The following CTNND2 variants were observed in gnomAD, a reference collection of about 807,000 sequenced individuals.
CTNND2 encodes catenin delta 2.
In CTNND2, 22 loss-of-function variants were observed where a neutral mutation model predicts 144.4. The ratio of observed to expected loss-of-function variants is 0.15; its 90% CI spans 0.11 to 0.22. The LOEUF is 0.22. CTNND2 is among the 10% of genes least tolerant of loss of function. CTNND2 has a pLI of 1.00. For missense variants in CTNND2, 1,353 were observed against 1,618.8 expected (o/e 0.84, Z 2.82); for synonymous variants, 751 against 695.6 (o/e 1.08, Z -1.25).
chr5:11,473,594 A>T (rs1256252887), intron 3 of CTNND2, among the ~76,000 whole-genome samples: 1 of 152,206 alleles, frequency 6.6e-6, no homozygotes, highest in Non-Finnish European at 1.5e-5. Flanking sequence ...CAACAACTAC[A>T]GGAAATGGCT....
chr5:11,230,749 C>T (rs1019709880), intron 10 of CTNND2, among the ~76,000 whole-genome samples: 6 of 152,224 alleles, frequency 3.9e-5, no homozygotes, highest in Admixed American at 3.3e-4. Flanking sequence ...TTATCTCAGT[C>T]TGGCTCTGAC....
Position 11,411,563 on chromosome 5 carries a change from C to A in CTNND2, c.412G>T (p.Asp138Tyr). 6.2e-7 allele frequency: 1 copy of A among 1,607,864 alleles called. No individual in the cohort carries two copies. Among genetic ancestry groups the A allele is most frequent in the South Asian group, 1.1e-5 (1 of 90,660 alleles). Reference sequence around the variant, plus strand: ...TCACCTGTAGAATAATCCTGTGGGTCAAGTATTCCTGATTCCTGTAGTGAC... The same window carrying A: ...TCACCTGTAGAATAATCCTGTGGGTAAAGTATTCCTGATTCCTGTAGTGAC... ...IRSLQESGIL[D>Y]PQDYSTGERP... The change falls in exon 5 of 22, where the codon GAC (aspartate) becomes TAC (tyrosine). Residue 138 changes from aspartate to tyrosine, a missense_variant. Transcript: ENST00000304623.
intron 9 of CTNND2, among the ~76,000 whole-genome samples, chr5:11,325,136 T>C (rs1242251609): frequency 6.6e-6 from 1 of 152,158 alleles, no homozygotes; most frequent in South Asian, 2.1e-4. Flanking sequence ...TTATTTTCCT[T>C]TGCAGGCTTA....
intron 3 of CTNND2, among the ~76,000 whole-genome samples, chr5:11,495,727 C>A (rs1300291994): frequency 6.6e-6 from 1 of 152,228 alleles, no homozygotes; most frequent in African/African-American, 2.4e-5. Flanking sequence ...TCTCTCCTGC[C>A]TCTGGCAGAA....
chr5:11,762,601 T>C (rs1432291622), intron 1 of CTNND2, among the ~76,000 whole-genome samples: 1 of 152,200 alleles, frequency 6.6e-6, no homozygotes, highest in Non-Finnish European at 1.5e-5. Context: ...ATGATAGCAA[T>C]CAAGCAAATT....
At chr5:11,149,180 T>C (rs1356413337) in intron 12 of CTNND2, among the ~76,000 whole-genome samples, 1 of 152,212 alleles carries the variant, frequency 6.6e-6, no homozygotes, top group Non-Finnish European at 1.5e-5. Context: ...CCATTATTTT[T>C]TGCAGTAAGC....
intron 9 of CTNND2, among the ~76,000 whole-genome samples, chr5:11,325,652 G>A (rs1752451646): frequency 6.6e-6 from 1 of 151,598 alleles, no homozygotes; most frequent in African/African-American, 2.4e-5. Context: ...TTGGTCAAGG[G>A]GACCCTACAG....
chr5:11,383,172 A>G lies in CTNND2; in HGVS notation c.1177+1493T>C, dbSNP rs186227452. On this transcript the variant is annotated intron_variant, in intron 7 of 21. Transcript: ENST00000304623. ...GAAGCTAAGACTCCTGATTTCTTTC[A>G]TGAGGTAAGTGTAAGAAATGAAATG... Among the ~76,000 whole-genome samples the G allele has an allele frequency of 3.2e-3, 489 of 152,198 alleles. 9 individuals are homozygous for G. The highest frequency in any genetic ancestry group is 1.3e-3 in the Non-Finnish European group (91 of 68,014).
At chr5:11,881,051 C>T (rs1582058363) in intron 1 of CTNND2, among the ~76,000 whole-genome samples, 1 of 149,302 alleles carries the variant, frequency 6.7e-6, no homozygotes, top group East Asian at 1.9e-4. Flanking sequence ...ACTACTACTA[C>T]TACCACTACT....
At chr5:11,741,273 G>A (rs1267431493) in intron 1 of CTNND2, among the ~76,000 whole-genome samples, 4 of 152,120 alleles carry the variant, frequency 2.6e-5, no homozygotes, top group Non-Finnish European at 5.9e-5. Context: ...GCACACGTAT[G>A]TTTACTGTAG....
intron 11 of CTNND2, among the ~76,000 whole-genome samples, chr5:11,187,557 T>C (rs1580531156): frequency 6.6e-6 from 1 of 152,198 alleles, no homozygotes. Flanking sequence ...AAAGATTTCA[T>C]GACGAATACA....
intron 2 of CTNND2, among the ~76,000 whole-genome samples, chr5:11,576,379 TA>T (rs1777971842): frequency 6.6e-6 from 1 of 150,646 alleles, no homozygotes; most frequent in Admixed American, 6.6e-5. Context: ...AAAATATAGT[TA>T]AATTACATAC....
intron 9 of CTNND2, among the ~76,000 whole-genome samples, chr5:11,339,985 T>C (rs1334648212): frequency 1.3e-5 from 2 of 152,220 alleles, no homozygotes; most frequent in South Asian, 4.1e-4. Flanking sequence ...AGTGCAAGCT[T>C]TCAAGTTACC....
At chr5:11,257,577 A>G (rs867575582) in intron 9 of CTNND2, among the ~76,000 whole-genome samples, 2 of 152,196 alleles carry the variant, frequency 1.3e-5, no homozygotes, top group African/African-American at 2.4e-5. Context: ...ATCTCCTGAG[A>G]ACTCACTCAT....
At chr5:11,427,094 C>A (rs1217893263) in intron 3 of CTNND2, among the ~76,000 whole-genome samples, 1 of 152,006 alleles carries the variant, frequency 6.6e-6, no homozygotes, top group African/African-American at 2.4e-5. Flanking sequence ...TGCAATAGCA[C>A]AATACACAGA....
rs1378615772 is a variant in CTNND2 at position 11,293,033 on chromosome 5, A to AATGCTC, written c.1628+53333_1628+53338dup. 2.6e-5 allele frequency among the ~76,000 whole-genome samples: 4 copies of AATGCTC among 152,242 alleles called. No individual in the cohort carries two copies. The East Asian group carries it at 7.7e-4, about 29-fold the overall frequency. ...ATCCTTCGCAAACTTAGAGTTATTT[A>AATGCTC]ATGCTCACAATGACTCTGAAGTCAT... On this transcript the variant is annotated intron_variant, in intron 9 of 21. Transcript: ENST00000304623.
intron 1 of CTNND2, among the ~76,000 whole-genome samples, chr5:11,848,202 A>G (rs907180823): frequency 1.3e-5 from 2 of 151,934 alleles, no homozygotes; most frequent in Non-Finnish European, 2.9e-5. Context: ...ACATTGCTAC[A>G]TTTTATGGGG....
At chr5:11,663,506 TATG>T (rs1193004430) in intron 2 of CTNND2, among the ~76,000 whole-genome samples, 1 of 152,130 alleles carries the variant, frequency 6.6e-6, no homozygotes, top group East Asian at 1.9e-4. Flanking sequence ...ACCATTAAAA[TATG>T]ATGTCTTCCT....
chr5:11,903,880 A>G lies in CTNND2; in HGVS notation c.-27T>C. ...CACCCTCCGCCGGCGACAGCTCCTCAGTCCGGGAAGAGGCGTGCGCGGCGC... is the reference window on the plus strand; with the variant it reads ...CACCCTCCGCCGGCGACAGCTCCTCGGTCCGGGAAGAGGCGTGCGCGGCGC... On this transcript the variant is annotated 5_prime_UTR_variant, in exon 1 of 22. Coordinates refer to ENST00000304623, the MANE Select transcript of CTNND2 (RefSeq NM_001332.4). This position sits in a 1 kb window ranked among gnomAD's most constrained non-coding sequence, Gnocchi z 5.4. The G allele has an allele frequency of 6.9e-7, 1 of 1,446,168 alleles. No homozygotes were observed. Among genetic ancestry groups the G allele is most frequent in the Non-Finnish European group, 9.0e-7 (1 of 1,106,040 alleles). 89.6% of individuals were successfully genotyped at this position (1,446,168 alleles called of 1,614,324 possible). A position where few individuals can be genotyped will look rare whatever the true frequency, so the allele number is the denominator to read the frequency against.
Sources: gnomAD v4.1 joint callset for allele counts (sites outside exome capture counted in the v4.1 genomes callset) on GRCh38, gnomAD v4.1.1 for gene constraint, Gnocchi (gnomAD v3.1) non-coding constraint, MANE v1.5 for transcripts, NCBI Gene and HGNC (gene_info 2026-07-23, HGNC 2026-07-21) for gene names.